CORO2B: variants seen among roughly 807,000 people sequenced by gnomAD.
CORO2B encodes coronin 2B.
CORO2B carries 26 observed loss-of-function variants against 58.8 expected under a neutral mutation model. That is an observed-to-expected ratio of 0.44 (90% CI 0.32 to 0.61). CORO2B has a LOEUF of 0.61. CORO2B is among the 20% of genes least tolerant of loss of function. The pLI, the probability that CORO2B is intolerant of heterozygous loss-of-function variation, is 0.04. For synonymous variants in CORO2B, 242 were observed against 253.8 expected, an observed-to-expected ratio of 0.95 and a Z score of 0.44; for missense variants, 460 against 645.1, an observed-to-expected ratio of 0.71 and a Z score of 3.11.
At chr15:68,549,367 G>C in the CORO2B span, among the ~76,000 whole-genome samples, 2 of 27,422 alleles carry the variant, frequency 7.3e-5, no homozygotes, top group African/African-American at 1.3e-4. Context: ...ATCTGGGATT[G>C]TTTGGGGTTT....
At chr15:68,634,451 G>A (rs1900964138) in intron 1 of CORO2B, among the ~76,000 whole-genome samples, 1 of 152,306 alleles carries the variant, frequency 6.6e-6, no homozygotes, top group African/African-American at 2.4e-5. Context: ...TATTTCACTG[G>A]ATCCTCATAA....
intron 3 of CORO2B, among the ~76,000 whole-genome samples, chr15:68,702,012 G>T (rs530731229): frequency 2.2e-4 from 34 of 152,168 alleles, no homozygotes; most frequent in Non-Finnish European, 4.0e-4. Flanking sequence ...GGAGGCTGAG[G>T]TGGGTGGATC....
At chr15:68,711,978 C>A (rs964635944) in intron 5 of CORO2B, among the ~76,000 whole-genome samples, 5 of 152,188 alleles carry the variant, frequency 3.3e-5, no homozygotes, top group African/African-American at 1.2e-4. Context: ...GGGGGCTGAA[C>A]TGGTGACACC....
chr15:68,610,175 G>A (rs1900214388), intron 1 of CORO2B, among the ~76,000 whole-genome samples: 1 of 152,210 alleles, frequency 6.6e-6, no homozygotes, highest in South Asian at 2.1e-4. Context: ...GGACCCTGCA[G>A]CCCTCTGGTT....
the CORO2B span, among the ~76,000 whole-genome samples, chr15:68,564,384 A>G: frequency 4.0e-5 from 6 of 151,176 alleles, no homozygotes; most frequent in Non-Finnish European, 8.8e-5. Context: ...GCTAACTACA[A>G]CCTCTGCCTC....
intron 3 of CORO2B, among the ~76,000 whole-genome samples, chr15:68,704,039 T>TACAC (rs10566834): frequency 1.4e-3 from 182 of 128,148 alleles, no homozygotes; most frequent in African/African-American, 3.7e-3. Context: ...TACACACACA[T>TACAC]ACACACACAC....
At chr15:68,534,686 G>T in the CORO2B span, among the ~76,000 whole-genome samples, 4 of 152,106 alleles carry the variant, frequency 2.6e-5, no homozygotes, top group Non-Finnish European at 4.4e-5. Context: ...AATGGGTTAT[G>T]TTACATGAGA....
Position 68,633,467 on chromosome 15 carries a change from C to T in CORO2B, c.16-11693C>T, listed in dbSNP as rs374202453. On this transcript the variant is annotated intron_variant, in intron 1 of 11. Coordinates refer to ENST00000261861, the MANE Select transcript of CORO2B (RefSeq NM_006091.5). ...GTTTCTAGACCCTCAGCTGGTGAGGCCCCTTGAATTGTTTCCAAAGTCCAA... is the reference window on the plus strand; with the variant it reads ...GTTTCTAGACCCTCAGCTGGTGAGGTCCCTTGAATTGTTTCCAAAGTCCAA... Among the ~76,000 whole-genome samples the T allele has an allele frequency of 3.2e-4, 49 of 150,960 alleles. 1 individual carries two copies. Among genetic ancestry groups the T allele is most frequent in the Admixed American group, 1.1e-3 (16 of 15,112 alleles).
upstream of CORO2B, among the ~76,000 whole-genome samples, chr15:68,578,378 C>T (rs901185988): frequency 2.0e-5 from 3 of 152,236 alleles, no homozygotes; most frequent in East Asian, 1.9e-4. This position sits in a 1 kb window ranked among gnomAD's most constrained non-coding sequence, Gnocchi z 4.2. Flanking sequence ...GTCCGTCCCA[C>T]TCTGATCGTC....
the CORO2B span, among the ~76,000 whole-genome samples, chr15:68,566,056 T>C: frequency 2.6e-5 from 4 of 152,190 alleles, no homozygotes; most frequent in African/African-American, 9.7e-5. Context: ...CACACTGAAG[T>C]CAAGCAGTCC....
At chr15:68,676,164 G>A (rs1270410679) in intron 2 of CORO2B, among the ~76,000 whole-genome samples, 1 of 152,294 alleles carries the variant, frequency 6.6e-6, no homozygotes, top group Admixed American at 6.5e-5. Context: ...CACAGTGTGG[G>A]CAGATAAGGA....
At chr15:68,652,517 C>A (rs957785054) in intron 2 of CORO2B, among the ~76,000 whole-genome samples, 4 of 152,190 alleles carry the variant, frequency 2.6e-5, no homozygotes, top group South Asian at 2.1e-4. Context: ...GCTACCCCAA[C>A]TGGCACCTGG....
intron 1 of CORO2B, among the ~76,000 whole-genome samples, chr15:68,604,133 C>T (rs1002271490): frequency 6.6e-6 from 1 of 152,150 alleles, no homozygotes; most frequent in African/African-American, 2.4e-5. Context: ...AGTCAGCACT[C>T]CACAGGCATG....
At chr15:68,695,400 G>C in intron 3 of CORO2B, 144 bp downstream of exon 3, 1 of 649,030 alleles carries the variant, frequency 1.5e-6, no homozygotes, top group East Asian at 2.7e-5. Context: ...CCCACGATGT[G>C]GGGGGGATGG....
intron 1 of CORO2B, among the ~76,000 whole-genome samples, chr15:68,597,542 A>G (rs1356658336): frequency 1.3e-5 from 2 of 151,896 alleles, no homozygotes; most frequent in Non-Finnish European, 2.9e-5. Context: ...CCCAGGGCCC[A>G]TGCTGTTAAC....
At chr15:68,629,677 G>A (rs73442232) in intron 1 of CORO2B, among the ~76,000 whole-genome samples, 5,500 of 152,308 alleles carry the variant, frequency 0.036, 122 homozygotes, top group South Asian at 0.09. Context: ...GGACCAGCAG[G>A]AGGGTCAGTG....
At chr15:68,653,905 G>A (rs7167348) in intron 2 of CORO2B, among the ~76,000 whole-genome samples, 146,911 of 151,842 alleles carry the variant, frequency 0.97, 71,268 homozygotes, top group East Asian at 1. Flanking sequence ...TCTGCAGTGA[G>A]GTCTCCGCCC....
intron 3 of CORO2B, among the ~76,000 whole-genome samples, chr15:68,702,598 G>T (rs1428396263): frequency 2.6e-5 from 4 of 152,090 alleles, no homozygotes; most frequent in African/African-American, 9.7e-5. Context: ...TGATTGACAA[G>T]AAACGGGGAG....
At position 68,645,159 on chromosome 15, in the gene CORO2B, G is replaced by C; in HGVS notation, c.16-1G>C. On this transcript the variant is annotated splice_acceptor_variant, in intron 1 of 11. Coordinates refer to ENST00000261861, the MANE Select transcript of CORO2B (RefSeq NM_006091.5). LOFTEE classifies it high-confidence loss of function. The surrounding 1 kb of genome is among the most constrained non-coding windows in gnomAD (Gnocchi z 4.5). ...CCCTTGTCTCTCCTGGCCCCTCACAGATGTCCTGGCGTCCGCAATACCGTA... is the reference window on the plus strand; with the variant it reads ...CCCTTGTCTCTCCTGGCCCCTCACACATGTCCTGGCGTCCGCAATACCGTA... 1 of 1,613,844 alleles carries C rather than the reference G, an allele frequency of 6.2e-7. No homozygotes were observed.
Sources: gnomAD v4.1 joint callset for allele counts (sites outside exome capture counted in the v4.1 genomes callset) on GRCh38, gnomAD v4.1.1 for gene constraint, Gnocchi (gnomAD v3.1) non-coding constraint, MANE v1.5 for transcripts, NCBI Gene and HGNC (gene_info 2026-07-23, HGNC 2026-07-21) for gene names.